The following CELF2 variants were observed in gnomAD, a reference collection of about 807,000 sequenced individuals.
The protein encoded by CELF2 is CUGBP Elav-like family member 2, also known as CUG triplet repeat RNA-binding protein 2.
In CELF2, 8 loss-of-function variants were observed where a neutral mutation model predicts 62.6. The ratio of observed to expected loss-of-function variants is 0.13; its 90% confidence interval spans 0.07 to 0.23. CELF2 has a LOEUF of 0.23. Ranked by LOEUF, CELF2 falls within the 10% of genes least tolerant of loss-of-function variation. CELF2 has a pLI of 1.00. For synonymous variants in CELF2, 258 were observed against 250.0 expected (o/e 1.03, Z -0.30); for missense variants, 333 against 671.0 (o/e 0.50, Z 5.56).
intron 1 of CELF2, among the ~76,000 whole-genome samples, chr10:10,817,777 A>T (rs2056603738): frequency 6.6e-6 from 1 of 152,364 alleles, no homozygotes; most frequent in East Asian, 1.9e-4. Context: ...GTGTTGCAAC[A>T]AACATAGAAG....
intron 2 of CELF2, among the ~76,000 whole-genome samples, chr10:11,173,394 G>A (rs572482217): frequency 4.0e-4 from 61 of 152,286 alleles, no homozygotes; most frequent in African/African-American, 1.4e-3. Context: ...CGGGTTGAAA[G>A]GTTTACTTGC....
At position 11,290,011 on chromosome 10, in the gene CELF2, A is replaced by G. The variant is rs1415937480; in HGVS notation, c.976+1459A>G. On this transcript the variant is annotated intron_variant, in intron 9 of 12. Coordinates refer to ENST00000633077, the MANE Select transcript of CELF2 (RefSeq NM_001326342.2). This position sits in a 1 kb window ranked among gnomAD's most constrained non-coding sequence, Gnocchi z 4.3. ...TGATTACCCCAAAATAGCACTGAGTATTGTGAATGCATTTTGGAGCATCTT... is the reference window on the plus strand; with the variant it reads ...TGATTACCCCAAAATAGCACTGAGTGTTGTGAATGCATTTTGGAGCATCTT... Among the ~76,000 whole-genome samples, 2 of 152,144 alleles carry G rather than the reference A, an allele frequency of 1.3e-5. No individual in the cohort carries two copies. Among genetic ancestry groups the G allele is most frequent in the Non-Finnish European group, 2.9e-5 (2 of 68,026 alleles).
chr10:10,733,353 C>A, the CELF2 span, among the ~76,000 whole-genome samples: 2 of 152,110 alleles, frequency 1.3e-5, no homozygotes, highest in South Asian at 4.2e-4. Context: ...TATCTGCCAA[C>A]AGCGATAAAT....
At chr10:10,935,249 A>G (rs1649738439) in intron 2 of CELF2, 1 of 152,214 alleles carries the variant, frequency 6.6e-6, no homozygotes, top group Non-Finnish European at 1.5e-5. Context: ...GCTCTGGCAG[A>G]TGACAGTGTT....
chr10:10,992,583 T>C (rs1433921951), intron 2 of CELF2, among the ~76,000 whole-genome samples: 1 of 152,172 alleles, frequency 6.6e-6, no homozygotes, highest in African/African-American at 2.4e-5. Context: ...TAATAAATGA[T>C]ACAAGAGAAG....
At chr10:10,939,277 G>GTGTTGTTGTTGTTGT (rs77431498) in intron 2 of CELF2, among the ~76,000 whole-genome samples, 1,563 of 144,228 alleles carry the variant, frequency 0.011, 50 homozygotes, top group African/African-American at 0.039. Flanking sequence ...TTGTTTTGTG[G>GTGTTGTTGTTGTTGT]TGTTGTTGTT....
chr10:10,788,654 G>A, the CELF2 span, among the ~76,000 whole-genome samples: 1 of 151,622 alleles, frequency 6.6e-6, no homozygotes, highest in South Asian at 2.1e-4. Context: ...GTACAGATGG[G>A]GTTTCGCCAC....
chr10:11,132,524 T>C (rs994315619), intron 1 of CELF2, among the ~76,000 whole-genome samples: 2 of 152,186 alleles, frequency 1.3e-5, no homozygotes, highest in African/African-American at 2.4e-5. Context: ...ATCCTGGAAA[T>C]CAGCCTGATC....
chr10:10,781,878 C>A, the CELF2 span, among the ~76,000 whole-genome samples: 2 of 152,078 alleles, frequency 1.3e-5, no homozygotes, highest in Non-Finnish European at 2.9e-5. Flanking sequence ...TGGATTCAAC[C>A]AACCGTGAAT....
intron 2 of CELF2, chr10:10,920,017 G>C: frequency 8.1e-7 from 1 of 1,230,188 alleles, no homozygotes; most frequent in Non-Finnish European, 1.0e-6. Flanking sequence ...CGCTGGCTTT[G>C]CTTATTCTAT....
chr10:10,898,529 G>A (rs1419465160), intron 1 of CELF2, among the ~76,000 whole-genome samples: 1 of 152,162 alleles, frequency 6.6e-6, no homozygotes. Flanking sequence ...GATAGAGAGG[G>A]TCATCTGATA....
At position 11,159,598 on chromosome 10, in the gene CELF2, C is replaced by T. The variant is rs1464624407; in HGVS notation, c.75-5888C>T. Among the ~76,000 whole-genome samples the T allele has an allele frequency of 6.6e-6, 1 of 152,128 alleles. No individual in the cohort carries two copies. Among genetic ancestry groups the T allele is most frequent in the Non-Finnish European group, 1.5e-5 (1 of 68,022 alleles). ...AGCTGATGCTGAGACCTTAGTTGCC[C>T]CACTGCCAGTCTGTTGGGAAGAGAT... is the stretch of plus-strand genomic sequence containing the variant. On this transcript the variant is annotated intron_variant, in intron 1 of 12. Transcript: ENST00000633077. This position sits in a 1 kb window ranked among gnomAD's most constrained non-coding sequence, Gnocchi z 5.0.
At chr10:10,837,911 C>G (rs1170364836) in intron 1 of CELF2, among the ~76,000 whole-genome samples, 3 of 152,160 alleles carry the variant, frequency 2.0e-5, no homozygotes, top group Non-Finnish European at 4.4e-5. Flanking sequence ...TCCCCTATTG[C>G]TAATATCTTG....
At chr10:10,751,457 A>T in the CELF2 span, among the ~76,000 whole-genome samples, 1 of 152,212 alleles carries the variant, frequency 6.6e-6, no homozygotes, top group South Asian at 2.1e-4. Context: ...ATAACTCCTT[A>T]AGGGGCAAAA....
intron 1 of CELF2, among the ~76,000 whole-genome samples, chr10:11,054,481 ATGTGTGTTTGTGTGTGTGTGTGTGTG>A (rs1053350663): frequency 3.4e-5 from 3 of 88,768 alleles, no homozygotes; most frequent in Admixed American, 2.1e-4. Flanking sequence ...ACAACTGTGT[ATGTGTGTTTGTGTGTGTGTGTGTGTG>A]TGTGTGTGTG....
intron 1 of CELF2, among the ~76,000 whole-genome samples, chr10:11,084,472 A>G (rs1417611295): frequency 6.6e-6 from 1 of 152,206 alleles, no homozygotes. Context: ...CTGAGTGGTG[A>G]ATGTCATTTG....
At chr10:10,848,213 C>T (rs1269080356) in intron 1 of CELF2, among the ~76,000 whole-genome samples, 1 of 152,172 alleles carries the variant, frequency 6.6e-6, no homozygotes, top group African/African-American at 2.4e-5. Context: ...TTGATGTGTT[C>T]AGTACCCCTT....
chr10:10,859,871 C>T (rs910259135), intron 1 of CELF2, among the ~76,000 whole-genome samples: 3 of 152,022 alleles, frequency 2.0e-5, no homozygotes, highest in Non-Finnish European at 4.4e-5. Flanking sequence ...AGATAAATTC[C>T]TAGCCTGGCA....
intron 1 of CELF2, among the ~76,000 whole-genome samples, chr10:10,884,657 C>G (rs951901434): frequency 6.6e-6 from 1 of 152,188 alleles, no homozygotes; most frequent in African/African-American, 2.4e-5. Context: ...CTTGAACTAT[C>G]CTTGACTTCT....
Sources: gnomAD v4.1 joint callset for allele counts (sites outside exome capture counted in the v4.1 genomes callset) on GRCh38, gnomAD v4.1.1 for gene constraint, Gnocchi (gnomAD v3.1) non-coding constraint, MANE v1.5 for transcripts, NCBI Gene and HGNC (gene_info 2026-07-23, HGNC 2026-07-21) for gene names.